Variants in MAP4 observed in about 807,000 individuals in gnomAD.
The protein encoded by MAP4 is microtubule associated protein 4.
A neutral mutation model predicts 170.2 loss-of-function variants in MAP4; 76 were observed. The observed-to-expected ratio is 0.45, with a 90% CI of 0.37 to 0.54. The LOEUF (loss-of-function observed/expected upper bound fraction) is 0.54, where lower values mean the gene tolerates loss of function less well. Ranked by LOEUF, MAP4 falls within the 20% of genes least tolerant of loss-of-function variation. MAP4 has a pLI of 0.00. For missense variants in MAP4, 2,506 were observed against 2,748.0 expected (o/e 0.91, Z 1.97); for synonymous variants, 909 against 994.5 (o/e 0.91, Z 1.62).
intron 10 of MAP4, among the ~76,000 whole-genome samples, chr3:47,901,240 T>G (rs1341744305): frequency 6.6e-6 from 1 of 152,200 alleles, no homozygotes; most frequent in Non-Finnish European, 1.5e-5. Flanking sequence ...AAACTTCTCT[T>G]ACTAGAGGAA....
chr3:48,079,555 T>G (rs1173422893), intron 1 of MAP4, among the ~76,000 whole-genome samples: 2 of 151,972 alleles, frequency 1.3e-5, no homozygotes, highest in Non-Finnish European at 2.9e-5. Flanking sequence ...CTTGGGAGGC[T>G]GAGGCAGGAG....
At position 47,916,795 on chromosome 3, in the gene MAP4, T is replaced by A. The variant is rs1310472442; in HGVS notation, c.1032A>T (p.Pro344=). 1 of 1,614,198 alleles carries A rather than the reference T, an allele frequency of 6.2e-7. No homozygotes were observed. The highest frequency in any genetic ancestry group is 2.2e-5 in the East Asian group (1 of 44,886). The stretch of plus-strand genomic sequence containing the variant: ...CTTTCAACAGTGTCACATCCTTGGC[T>A]GGGGCTACCTCTGTTTCTGTGGGCA... The part of the protein sequence containing the change: ...VVLPTETEVA[P]AKDVTLLKET... The change falls in exon 7 of 21, where the codon CCA becomes CCT. Residue 344 remains proline, a synonymous_variant. Coordinates refer to ENST00000683076, the MANE Select transcript of MAP4 (RefSeq NM_001385682.1).
intron 10 of MAP4, among the ~76,000 whole-genome samples, chr3:47,879,675 AACC>A (rs35249173): frequency 0.25 from 37,700 of 151,872 alleles, 5,133 homozygotes; most frequent in South Asian, 0.33. Flanking sequence ...AGCTTTGTGT[AACC>A]ACCACCACCA....
chr3:47,989,726 T>C (rs2100090974), intron 2 of MAP4, among the ~76,000 whole-genome samples: 1 of 152,186 alleles, frequency 6.6e-6, no homozygotes, highest in Non-Finnish European at 1.5e-5. Flanking sequence ...AAGGCTTGTA[T>C]ATTTCCCTGC....
At chr3:47,899,382 C>A (rs2100028823) in intron 10 of MAP4, among the ~76,000 whole-genome samples, 1 of 152,182 alleles carries the variant, frequency 6.6e-6, no homozygotes, top group Admixed American at 6.5e-5. Flanking sequence ...TCAGGTGATC[C>A]TCCTGCCTCA....
chr3:48,078,418 A>C (rs113833088), intron 1 of MAP4, among the ~76,000 whole-genome samples: 1 of 151,514 alleles, frequency 6.6e-6, no homozygotes, highest in Non-Finnish European at 1.5e-5. Flanking sequence ...CAGCCTCCCA[A>C]ACTGCTGGGA....
rs768631816 is a variant in MAP4, at chr3:47,912,207, G to A, written c.2214C>T (p.Asn738=). The A allele has an allele frequency of 6.5e-7, 1 of 1,535,772 alleles. No individual in the cohort carries two copies. The highest frequency in any genetic ancestry group is 1.2e-5 in the South Asian group (1 of 84,032). ...SGSSSCGGPG[N]QRKSIHVDSL... ...AGTCAACATGAATACTTTTTCTTTG[G>A]TTCCCAGGCCCACCACAGGAGGATG... Residue 738 remains asparagine (N), a synonymous_variant, in exon 9 of 21, where the codon AAC becomes AAT. Coordinates refer to ENST00000683076, the MANE Select transcript of MAP4 (RefSeq NM_001385682.1).
At chr3:48,050,475 C>G (rs979458471) in intron 1 of MAP4, among the ~76,000 whole-genome samples, 2 of 151,792 alleles carry the variant, frequency 1.3e-5, no homozygotes, top group Non-Finnish European at 1.5e-5. Context: ...AATTCAGCCT[C>G]TTTCATCTAA....
intron 1 of MAP4, among the ~76,000 whole-genome samples, chr3:48,050,824 G>T (rs977724752): frequency 6.6e-6 from 1 of 150,976 alleles, no homozygotes; most frequent in East Asian, 1.9e-4. Context: ...AGAATCGCTT[G>T]AACCCAGGAG....
At chr3:48,047,154 A>G (rs2154545065) in intron 1 of MAP4, among the ~76,000 whole-genome samples, 1 of 152,146 alleles carries the variant, frequency 6.6e-6, no homozygotes, top group South Asian at 2.1e-4. Context: ...GCCTTCAATC[A>G]TGAAGTTGTT....
At chr3:47,928,179 A>T in intron 4 of MAP4, 49 bp downstream of exon 4, 1 of 1,605,936 alleles carries the variant, frequency 6.2e-7, no homozygotes, top group Non-Finnish European at 8.5e-7. Flanking sequence ...GCTTTTTCAC[A>T]TTTATGTCAT....
chr3:48,050,603 T>C (rs2154548653), intron 1 of MAP4, among the ~76,000 whole-genome samples: 1 of 140,878 alleles, frequency 7.1e-6, no homozygotes, highest in Admixed American at 6.7e-5. Context: ...TATCATAAAC[T>C]TAAAAAAAAA....
intron 1 of MAP4, among the ~76,000 whole-genome samples, chr3:48,062,277 G>C (rs2100136041): frequency 6.6e-6 from 1 of 152,080 alleles, no homozygotes; most frequent in Non-Finnish European, 1.5e-5. Context: ...GATGTGCTTT[G>C]TTAAACAGAT....
At chr3:47,870,144 C>A (rs577385734) in intron 15 of MAP4, among the ~76,000 whole-genome samples, 1 of 152,148 alleles carries the variant, frequency 6.6e-6, no homozygotes, top group African/African-American at 2.4e-5. Flanking sequence ...CATTCTCAGA[C>A]GGACTTTCAT....
intron 3 of MAP4, among the ~76,000 whole-genome samples, chr3:47,955,248 T>C (rs2100066984): frequency 2.0e-5 from 3 of 152,128 alleles, no homozygotes; most frequent in African/African-American, 7.2e-5. Flanking sequence ...CTTGGTATAC[T>C]GCTATTAACC....
At chr3:48,008,865 C>A (rs573650388) in intron 1 of MAP4, among the ~76,000 whole-genome samples, 54 of 152,258 alleles carry the variant, frequency 3.5e-4, no homozygotes, top group Admixed American at 1.9e-3. Flanking sequence ...CTGCTGAGTG[C>A]CTAATTTGCC....
At chr3:47,990,561 G>A (rs139093493) in intron 2 of MAP4, among the ~76,000 whole-genome samples, 153 of 152,244 alleles carry the variant, frequency 1.0e-3, no homozygotes, top group African/African-American at 3.3e-3. Context: ...GCATTTTCTC[G>A]ACTTCAGAAG....
At chr3:48,042,133 CCAGT>C (rs2100121949) in intron 1 of MAP4, among the ~76,000 whole-genome samples, 3 of 152,170 alleles carry the variant, frequency 2.0e-5, no homozygotes, top group Admixed American at 1.3e-4. Flanking sequence ...CAATTTATAG[CCAGT>C]CAGTCAGAAG....
At position 48,076,759 on chromosome 3, in the gene MAP4, T is replaced by C. The variant is rs72927466; in HGVS notation, c.-20+12014A>G. 2.6e-3 allele frequency among the ~76,000 whole-genome samples: 400 copies of C among 152,210 alleles called. 3 individuals carry two copies. Among genetic ancestry groups the C allele is most frequent in the African/African-American group, 9.2e-3 (383 of 41,534 alleles). The stretch of plus-strand genomic sequence containing the variant: ...AAGAGAAATCTTTATCACCTTAAAT[T>C]AGGCAATCGTTTCTTAGATGTGACA... On this transcript the variant is annotated intron_variant, in intron 1 of 18. Coordinates refer to the MAP4 transcript ENST00000360240.
Sources: allele counts gnomAD v4.1 joint callset (sites outside exome capture counted in the v4.1 genomes callset), GRCh38; gene constraint gnomAD v4.1.1; transcripts MANE v1.5; gene names NCBI Gene and HGNC (gene_info 2026-07-23, HGNC 2026-07-21).